Variants in ARHGEF9 observed in about 807,000 individuals in gnomAD.
The protein encoded by ARHGEF9 is rho guanine nucleotide exchange factor 9.
In ARHGEF9, 2 loss-of-function variants were observed where a neutral mutation model predicts 41.3. That is an observed-to-expected ratio of 0.05 (90% CI 0.02 to 0.15). The LOEUF is 0.15. Ranked by LOEUF, ARHGEF9 falls within the 10% of genes least tolerant of loss-of-function variation. The probability of loss-of-function intolerance (pLI) is 1.00; values close to 1 mark genes in which losing one functional copy is unlikely to be tolerated. For synonymous variants in ARHGEF9, 160 were observed against 154.4 expected, an observed-to-expected ratio of 1.04 and a Z score of -0.27; for missense variants, 225 against 424.7, an observed-to-expected ratio of 0.53 and a Z score of 4.13.
At chrX:63,666,291 T>A (rs1189414864) in intron 6 of ARHGEF9, among the ~76,000 whole-genome samples, 2 of 106,560 alleles carry the variant, frequency 1.9e-5, no homozygotes, top group Non-Finnish European at 3.9e-5. Flanking sequence ...TCTGGTCCTA[T>A]AAGTTCTCTG....
chrX:63,771,756 A>G (rs1285180087), intron 1 of ARHGEF9, among the ~76,000 whole-genome samples: 1 of 111,156 alleles, frequency 9.0e-6, no homozygotes, highest in African/African-American at 3.3e-5. Context: ...TAGTAGATAC[A>G]GGGTTTCACC....
rs1310315977 is a variant in ARHGEF9, at chrX:63,635,843, G to A, written c.*2185C>T. 5.3e-5 allele frequency: 8 copies of A among 151,650 alleles called. No individual in the cohort carries two copies. Among genetic ancestry groups the A allele is most frequent in the African/African-American group, 6.5e-5 (2 of 30,857 alleles). 12.5% of individuals were successfully genotyped at this position (151,650 alleles called of 1,213,427 possible). A position where few individuals can be genotyped will look rare whatever the true frequency, so the allele number is the denominator to read the frequency against. On this transcript the variant is annotated 3_prime_UTR_variant, in exon 10 of 10. Transcript: ENST00000671741. ...GAGGAGTGAGAAGTTGGAAAAAGAG[G>A]TACACTGAAGGGAGGCCTGCATAGC...
chrX:63,677,052 C>T (rs1162833375), intron 5 of ARHGEF9, among the ~76,000 whole-genome samples: 2 of 111,806 alleles, frequency 1.8e-5, no homozygotes, highest in Admixed American at 9.4e-5. Flanking sequence ...CTTTAGCTGG[C>T]TGCCTTTCTC....
chrX:63,766,877 G>GA (rs1167249088), intron 1 of ARHGEF9: 1 of 361,029 alleles, frequency 2.8e-6, no homozygotes, highest in East Asian at 5.6e-5. Context: ...CCGACAAGAT[G>GA]AAAGAAACAA....
intron 4 of ARHGEF9, among the ~76,000 whole-genome samples, chrX:63,694,465 C>A (rs2051597334): frequency 8.9e-6 from 1 of 112,087 alleles, no homozygotes; most frequent in Non-Finnish European, 1.9e-5. Context: ...ACTCAAATAT[C>A]CATTAATTTG....
At position 63,644,057 on chromosome X, in the gene ARHGEF9, G is replaced by GA. The variant is rs782465499; in HGVS notation, c.1322-10dup. ...TTCAGAAATTTCAAAGCCTAAAAAA[G>GA]AAAAATATATGATTTTTTAAATGAG... On this transcript the variant is annotated splice_polypyrimidine_tract_variant and intron_variant, in intron 8 of 9. Coordinates refer to ENST00000671741, the MANE Select transcript of ARHGEF9 (RefSeq NM_001353921.2). 9.3e-6 allele frequency: 11 copies of GA among 1,188,253 alleles called. No individual in the cohort carries two copies. The highest frequency in any genetic ancestry group is 2.4e-4 in the Middle Eastern group (1 of 4,222).
chrX:63,706,749 G>T (rs2052573195), intron 2 of ARHGEF9, among the ~76,000 whole-genome samples: 1 of 112,042 alleles, frequency 8.9e-6, no homozygotes, highest in Non-Finnish European at 1.9e-5. Flanking sequence ...TATACATCTT[G>T]AGTGCCACAT....
At chrX:63,695,588 T>C (rs1441770620) in intron 4 of ARHGEF9, among the ~76,000 whole-genome samples, 1 of 111,661 alleles carries the variant, frequency 9.0e-6, no homozygotes, top group East Asian at 2.8e-4. Context: ...GTTGAATGAG[T>C]TTACATACCA....
intron 1 of ARHGEF9, 57 bp from the exon 2 acceptor site, chrX:63,724,768 C>T: frequency 9.1e-7 from 1 of 1,095,751 alleles, no homozygotes; most frequent in Non-Finnish European, 1.3e-6. Context: ...CTTGCCCCTT[C>T]CCCCACCCAC....
chrX:63,635,522 C>A lies in ARHGEF9; in HGVS notation c.*2506G>T. ...GTATTTAATTGGGCTCCCCTTGGGG[C>A]TGTTGGCCACTGGTCTGCTTTGATG... On this transcript the variant is annotated 3_prime_UTR_variant, in exon 10 of 10. Coordinates refer to ENST00000671741, the MANE Select transcript of ARHGEF9 (RefSeq NM_001353921.2). The A allele has an allele frequency of 6.2e-6, 3 of 486,026 alleles. No homozygotes were observed. Among genetic ancestry groups the A allele is most frequent in the Non-Finnish European group, 1.1e-5 (3 of 272,900 alleles). 40.1% of individuals were successfully genotyped at this position (486,026 alleles called of 1,213,427 possible).
At chrX:63,648,058 TA>T (rs1352240502) in intron 8 of ARHGEF9, among the ~76,000 whole-genome samples, 2 of 111,323 alleles carry the variant, frequency 1.8e-5, no homozygotes, top group Non-Finnish European at 3.8e-5. Context: ...TTCCCCAATC[TA>T]GCAAGGCAGG....
At position 63,678,763 on chromosome X, in the gene ARHGEF9, G is replaced by A. The variant is rs370611517; in HGVS notation, c.583-191C>T. ...TATTCAGTAACAAGACAAACTGACT[G>A]TAAATTTCTTATAGAAAAATGAGTA... On this transcript the variant is annotated intron_variant, in intron 4 of 9. Transcript: ENST00000671741. Among the ~76,000 whole-genome samples, 6 of 112,002 alleles carry A rather than the reference G, an allele frequency of 5.4e-5. No individual in the cohort carries two copies. The East Asian group carries it at 1.7e-3, about 31-fold the overall frequency.
intron 1 of ARHGEF9, among the ~76,000 whole-genome samples, chrX:63,759,399 C>T (rs2055994414): frequency 9.0e-6 from 1 of 111,448 alleles, no homozygotes; most frequent in African/African-American, 3.3e-5. Context: ...CCTGCCATCC[C>T]TTCTGCAACA....
intron 8 of ARHGEF9, among the ~76,000 whole-genome samples, chrX:63,646,446 A>G (rs1449323778): frequency 8.9e-6 from 1 of 111,865 alleles, no homozygotes; most frequent in Admixed American, 9.5e-5. Flanking sequence ...CTTTCTCCAT[A>G]TGGCTAGCCA....
chrX:63,677,240 C>A lies in ARHGEF9; in HGVS notation c.815+1100G>T, dbSNP rs1452495557. On this transcript the variant is annotated intron_variant, in intron 5 of 9. Transcript: ENST00000671741. ...AGAACAAAGATTTTCTACTTCCAGA[C>A]ATGTCAGCTAGCCTCCCTCTTACAT... Among the ~76,000 whole-genome samples, 4 of 112,175 alleles carry A rather than the reference C, an allele frequency of 3.6e-5. No homozygotes were observed. The Admixed American group carries it at 3.8e-4, about 11-fold the overall frequency.
chrX:63,769,606 G>C (rs1431874945), intron 1 of ARHGEF9, among the ~76,000 whole-genome samples: 2 of 111,665 alleles, frequency 1.8e-5, no homozygotes, highest in African/African-American at 3.3e-5. Context: ...AGGTTTAGGA[G>C]GAAAAAATTG....
At chrX:63,754,743 G>C in intron 1 of ARHGEF9, 1 of 953,597 alleles carries the variant, frequency 1.0e-6, no homozygotes, top group Non-Finnish European at 1.3e-6. Flanking sequence ...GTTTAGTCGG[G>C]GGAGGGGAGG....
chrX:63,753,753 T>G (rs1228650360), intron 1 of ARHGEF9, among the ~76,000 whole-genome samples: 1 of 111,733 alleles, frequency 8.9e-6, no homozygotes, highest in African/African-American at 3.3e-5. Flanking sequence ...GTGTTTTAAA[T>G]GTGGCTTCTT....
At chrX:63,680,972 T>C (rs1280511263) in intron 4 of ARHGEF9, among the ~76,000 whole-genome samples, 1 of 110,883 alleles carries the variant, frequency 9.0e-6, no homozygotes, top group Non-Finnish European at 1.9e-5. Flanking sequence ...GCTGCTGTGG[T>C]TACTATAGCC....
Sources: gnomAD v4.1 joint callset for allele counts (sites outside exome capture counted in the v4.1 genomes callset) on GRCh38, gnomAD v4.1.1 for gene constraint, MANE v1.5 for transcripts, NCBI Gene and HGNC (gene_info 2026-07-23, HGNC 2026-07-21) for gene names.